Variants in FHIT observed in about 807,000 individuals in gnomAD.
FHIT encodes fragile histidine triad diadenosine triphosphatase.
In FHIT, 19 loss-of-function variants were observed where a neutral mutation model predicts 17.9. The ratio of observed to expected loss-of-function variants is 1.06; its 90% CI spans 0.74 to 1.56. The LOEUF (loss-of-function observed/expected upper bound fraction) is 1.56, where lower values mean the gene tolerates loss of function less well. Ranked by LOEUF, FHIT falls within the 40% of genes most tolerant of loss-of-function variation. FHIT has a pLI of 0.00. For missense variants in FHIT, 248 were observed against 189.2 expected, an observed-to-expected ratio of 1.31 and a Z score of -1.82; for synonymous variants, 81 against 69.7, an observed-to-expected ratio of 1.16 and a Z score of -0.81.
At chr3:60,873,631 C>A (rs1704515704) in intron 3 of FHIT, among the ~76,000 whole-genome samples, 1 of 152,128 alleles carries the variant, frequency 6.6e-6, no homozygotes, top group Non-Finnish European at 1.5e-5. Context: ...TAAATAGTGG[C>A]CTACAGGATG....
intron 8 of FHIT, among the ~76,000 whole-genome samples, chr3:59,836,485 G>A (rs370897269): frequency 7.9e-5 from 12 of 152,106 alleles, no homozygotes; most frequent in African/African-American, 2.9e-4. Context: ...TCCTTTCCTG[G>A]TCCCCTCCTG....
intron 5 of FHIT, among the ~76,000 whole-genome samples, chr3:60,358,431 G>A (rs1325940191): frequency 6.6e-6 from 1 of 151,004 alleles, no homozygotes; most frequent in Admixed American, 6.6e-5. Context: ...AAGCAAAGAA[G>A]AAAACAAAAC....
intron 5 of FHIT, among the ~76,000 whole-genome samples, chr3:60,328,332 G>C (rs1341050925): frequency 2.6e-5 from 4 of 152,206 alleles, no homozygotes; most frequent in Non-Finnish European, 5.9e-5. Flanking sequence ...AGAAACACCT[G>C]AGAATGGGTA....
At chr3:60,751,450 A>G (rs1386222851) in intron 4 of FHIT, among the ~76,000 whole-genome samples, 1 of 152,272 alleles carries the variant, frequency 6.6e-6, no homozygotes, top group Non-Finnish European at 1.5e-5. Flanking sequence ...AGCAATAAGG[A>G]AAATCCAAAA....
At chr3:60,720,776 C>G (rs749803712) in intron 4 of FHIT, among the ~76,000 whole-genome samples, 2 of 152,036 alleles carry the variant, frequency 1.3e-5, no homozygotes, top group Non-Finnish European at 2.9e-5. Context: ...GCATACTGGG[C>G]GTCAAGAAGA....
chr3:60,958,890 T>C (rs960762737), intron 3 of FHIT, among the ~76,000 whole-genome samples: 5 of 152,198 alleles, frequency 3.3e-5, no homozygotes, highest in Admixed American at 6.5e-5. Context: ...ATAATCGGAA[T>C]TATTTAGCAA....
chr3:61,227,516 G>A (rs1448034857), intron 1 of FHIT, among the ~76,000 whole-genome samples: 1 of 152,110 alleles, frequency 6.6e-6, no homozygotes, highest in East Asian at 1.9e-4. Context: ...AATACCAAGA[G>A]CATAAATTTG....
chr3:59,791,244 T>C (rs1195897954), intron 8 of FHIT, among the ~76,000 whole-genome samples: 3 of 152,206 alleles, frequency 2.0e-5, no homozygotes, highest in African/African-American at 7.2e-5. Flanking sequence ...CCATGGTTAT[T>C]GGCTCAGCAA....
intron 1 of FHIT, among the ~76,000 whole-genome samples, chr3:61,204,600 T>G (rs1159634186): frequency 6.6e-6 from 1 of 151,802 alleles, no homozygotes; most frequent in East Asian, 1.9e-4. Context: ...GTGTCAGGAA[T>G]CAGGGTAAGT....
At chr3:60,494,978 G>C (rs1238122525) in intron 5 of FHIT, among the ~76,000 whole-genome samples, 1 of 152,126 alleles carries the variant, frequency 6.6e-6, no homozygotes, top group Non-Finnish European at 1.5e-5. Flanking sequence ...CTTCCTTTGG[G>C]TATATATCCA....
intron 4 of FHIT, among the ~76,000 whole-genome samples, chr3:60,763,222 C>G (rs186189178): frequency 6.6e-6 from 1 of 152,214 alleles, no homozygotes; most frequent in East Asian, 1.9e-4. Context: ...AAAGCCCAAT[C>G]GAAATGATAG....
At chr3:61,137,069 A>G (rs2036935838) in intron 2 of FHIT, among the ~76,000 whole-genome samples, 2 of 152,136 alleles carry the variant, frequency 1.3e-5, no homozygotes, top group African/African-American at 4.8e-5. Flanking sequence ...TCCATGTTGG[A>G]GGGAGGGAAG....
chr3:60,857,388 A>T (rs1160485628), intron 3 of FHIT, among the ~76,000 whole-genome samples: 1 of 152,172 alleles, frequency 6.6e-6, no homozygotes, highest in Non-Finnish European at 1.5e-5. Flanking sequence ...ATCAGACAGC[A>T]TTTGACAGCC....
intron 4 of FHIT, among the ~76,000 whole-genome samples, chr3:60,723,897 C>T (rs781797224): frequency 2.1e-4 from 32 of 152,260 alleles, no homozygotes; most frequent in South Asian, 1.9e-3. Flanking sequence ...GTGGTAGCAG[C>T]GAGCAAAGCA....
intron 3 of FHIT, among the ~76,000 whole-genome samples, chr3:60,966,406 C>T (rs1709746919): frequency 6.6e-6 from 1 of 152,256 alleles, no homozygotes; most frequent in Non-Finnish European, 1.5e-5. Flanking sequence ...CGATGTCCCG[C>T]CCTGCTTTGG....
At chr3:60,364,138 C>CCT (rs1700016341) in intron 5 of FHIT, among the ~76,000 whole-genome samples, 1 of 152,110 alleles carries the variant, frequency 6.6e-6, no homozygotes, top group African/African-American at 2.4e-5. Context: ...CCATCTGGTC[C>CCT]CTCTTGGAAC....
intron 5 of FHIT, among the ~76,000 whole-genome samples, chr3:60,410,380 A>G (rs1164704071): frequency 6.6e-6 from 1 of 152,190 alleles, no homozygotes; most frequent in Non-Finnish European, 1.5e-5. Context: ...AGCTGGTTAC[A>G]TTGGAGATTT....
intron 5 of FHIT, among the ~76,000 whole-genome samples, chr3:60,221,472 C>A (rs1703955394): frequency 6.6e-6 from 1 of 152,180 alleles, no homozygotes; most frequent in African/African-American, 2.4e-5. Context: ...CTATAGACAT[C>A]TGTGAAAATA....
chr3:60,452,026 G>A (rs917952287), intron 5 of FHIT, among the ~76,000 whole-genome samples: 1 of 152,084 alleles, frequency 6.6e-6, no homozygotes, highest in Non-Finnish European at 1.5e-5. Flanking sequence ...TTTTCTACAA[G>A]TTTATTGCTT....
Sources: allele counts gnomAD v4.1 joint callset (sites outside exome capture counted in the v4.1 genomes callset), GRCh38; gene constraint gnomAD v4.1.1; transcripts MANE v1.5; gene names NCBI Gene and HGNC (gene_info 2026-07-23, HGNC 2026-07-21).